Variants in GPR89A observed in about 807,000 individuals in gnomAD.
GPR89A encodes the protein golgi pH regulator A, also known as G protein-coupled receptor 89A.
GPR89A carries 16 observed loss-of-function variants against 52.0 expected under a neutral mutation model. The ratio of observed to expected loss-of-function variants is 0.31; its 90% CI spans 0.21 to 0.47. The LOEUF (loss-of-function observed/expected upper bound fraction) is 0.47. GPR89A is among the 20% of genes least tolerant of loss of function. The pLI is 1.00. For synonymous variants in GPR89A, 55 were observed against 150.9 expected, an observed-to-expected ratio of 0.36 and a Z score of 4.66; for missense variants, 135 against 449.4, an observed-to-expected ratio of 0.30 and a Z score of 6.33.
chr1:145,668,575 C>T (rs1346806048), intron 12 of GPR89A, among the ~76,000 whole-genome samples: 1 of 152,050 alleles, frequency 6.6e-6, no homozygotes, highest in Non-Finnish European at 1.5e-5. Context: ...CTTTCTCCTG[C>T]CTGATTGCCC....
intron 10 of GPR89A, among the ~76,000 whole-genome samples, chr1:145,660,687 CA>C (rs1652131458): frequency 6.6e-6 from 1 of 151,614 alleles, no homozygotes; most frequent in Non-Finnish European, 1.5e-5. Context: ...TTTATGCCGC[CA>C]AAAAACACAA....
intron 5 of GPR89A, among the ~76,000 whole-genome samples, chr1:145,628,721 C>G (rs1649677585): frequency 6.6e-6 from 1 of 152,178 alleles, no homozygotes; most frequent in Non-Finnish European, 1.5e-5. Flanking sequence ...ATTGCCATTA[C>G]AATTACTAGT....
intron 9 of GPR89A, 148 bp from the exon 10 acceptor site, chr1:145,647,027 G>A: frequency 1.6e-6 from 2 of 1,235,106 alleles, no homozygotes; most frequent in Middle Eastern, 2.9e-4. Flanking sequence ...GTAAATGCTG[G>A]CCACAACTAC....
intron 1 of GPR89A, among the ~76,000 whole-genome samples, chr1:145,615,134 G>T (rs1232061032): frequency 6.6e-6 from 1 of 152,176 alleles, no homozygotes; most frequent in African/African-American, 2.4e-5. Context: ...GTCTCTGCCA[G>T]TTTGAAACAA....
intron 1 of GPR89A, 28 bp downstream of exon 1, chr1:145,608,203 C>G: frequency 6.2e-7 from 1 of 1,613,778 alleles, no homozygotes; most frequent in Non-Finnish European, 8.5e-7. Flanking sequence ...GCCCCGACAC[C>G]CGTCCGCCTC....
chr1:145,654,437 T>C (rs1273875079), intron 10 of GPR89A, among the ~76,000 whole-genome samples: 2 of 150,596 alleles, frequency 1.3e-5, no homozygotes, highest in Non-Finnish European at 3.0e-5. Context: ...CCTGTAGTCC[T>C]AGCTACTCGG....
At chr1:145,632,724 T>G (rs1189332924) in intron 7 of GPR89A, among the ~76,000 whole-genome samples, 2 of 152,212 alleles carry the variant, frequency 1.3e-5, no homozygotes, top group East Asian at 3.8e-4. Flanking sequence ...AGATATCTCT[T>G]TGACATTTTA....
chr1:145,634,082 T>A (rs1352165692), intron 7 of GPR89A, among the ~76,000 whole-genome samples: 74 of 644 alleles, frequency 0.11, no homozygotes, highest in Middle Eastern at 0.5. Context: ...GTCTATTGTG[T>A]TTTTTTTTTT....
intron 7 of GPR89A, among the ~76,000 whole-genome samples, chr1:145,642,833 A>C (rs1424200893): frequency 0.026 from 3,905 of 147,696 alleles, 149 homozygotes; most frequent in African/African-American, 0.094. Flanking sequence ...TACAAATGAT[A>C]TTTTATTTTG....
intron 7 of GPR89A, among the ~76,000 whole-genome samples, chr1:145,634,064 G>A (rs1309267707): frequency 2.8e-5 from 4 of 142,226 alleles, no homozygotes; most frequent in African/African-American, 1.1e-4. Context: ...TTCAAAGAAT[G>A]GAATATTGTC....
Position 145,615,619 on chromosome 1 carries a change from A to G in GPR89A, c.43-615A>G, listed in dbSNP as rs1648624242. ...GGATCATCCATAAGAAGCAAGTCTC[A>G]CTCTGACACCTTTTCTTTTTTTTCG... On this transcript the variant is annotated intron_variant, in intron 1 of 13. Coordinates refer to ENST00000313835, the MANE Select transcript of GPR89A (RefSeq NM_001097612.2). 5.3e-5 allele frequency among the ~76,000 whole-genome samples: 3 copies of G among 56,246 alleles called. No individual in the cohort carries two copies. The South Asian group carries it at 2.5e-3, about 47-fold the overall frequency. The allele number at this position is 56,246 out of a possible 152,430, so 36.9% of individuals were successfully genotyped here.
chr1:145,632,233 T>A lies in GPR89A; in HGVS notation c.617+489T>A, dbSNP rs181744510. On this transcript the variant is annotated intron_variant, in intron 7 of 13. Coordinates refer to ENST00000313835, the MANE Select transcript of GPR89A (RefSeq NM_001097612.2). ...TAACATATCTATCACCTCACATGTT[T>A]ATTTTTTTGTGGTGAAAACATTTGA... 6.4e-3 allele frequency among the ~76,000 whole-genome samples: 982 copies of A among 152,330 alleles called. 5 individuals carry two copies. Among genetic ancestry groups the A allele is most frequent in the African/African-American group, 0.023 (942 of 41,572 alleles).
Position 145,670,480 on chromosome 1 carries a change from C to A in GPR89A, c.*440C>A, listed in dbSNP as rs1652924155. 3 of 272,234 alleles carry A rather than the reference C, an allele frequency of 1.1e-5. No homozygotes were observed. In the East Asian group the frequency reaches 3.0e-4, roughly 27 times the overall value. The allele number at this position is 272,234 out of a possible 1,614,324, so 16.9% of individuals were successfully genotyped here. On this transcript the variant is annotated 3_prime_UTR_variant, in exon 14 of 14. Coordinates refer to ENST00000313835, the MANE Select transcript of GPR89A (RefSeq NM_001097612.2). ...GACTGTAACACTTTTGCCTTACGTT[C>A]ATTTTATCAAGCATAGCTTGGTATT... is the stretch of plus-strand genomic sequence containing the variant.
chr1:145,626,819 G>A (rs1485319444), intron 5 of GPR89A, among the ~76,000 whole-genome samples: 1 of 151,564 alleles, frequency 6.6e-6, no homozygotes, highest in Non-Finnish European at 1.5e-5. Flanking sequence ...GCATGGTGGT[G>A]CATGCCTGTA....
chr1:145,627,678 G>A (rs1649603227), intron 5 of GPR89A, among the ~76,000 whole-genome samples: 1 of 152,028 alleles, frequency 6.6e-6, no homozygotes, highest in Admixed American at 6.5e-5. Flanking sequence ...ACAATAAAGA[G>A]GTAAATATAT....
intron 2 of GPR89A, among the ~76,000 whole-genome samples, chr1:145,617,952 AG>A (rs1648839944): frequency 6.6e-6 from 1 of 151,340 alleles, no homozygotes; most frequent in South Asian, 2.1e-4. Flanking sequence ...GGAAGGTTCC[AG>A]AACTGATCCA....
Position 145,643,973 on chromosome 1 carries a change from G to C in GPR89A, c.722G>C (p.Ser241Thr). The change falls in exon 8 of 14, where the codon AGT becomes ACT. Residue 241 changes from serine (S) to threonine (T), a missense_variant. Physicochemically the swap from Ser to Thr is moderately conservative, Grantham distance 58. Coordinates refer to ENST00000313835, the MANE Select transcript of GPR89A (RefSeq NM_001097612.2). ...AGTGTTACCACTTCAGCATCAGGAA[G>C]TGAAAGTATCCTTTGTCCCTCTGCT... ...IKSVTTSASG[S>T]ENLTLIQQEV... 3.5e-6 allele frequency: 1 copy of C among 285,958 alleles called. No individual in the cohort carries two copies. Among genetic ancestry groups the C allele is most frequent in the Admixed American group, 8.4e-5 (1 of 11,898 alleles). The allele number at this position is 285,958 out of a possible 1,614,324, so 17.7% of individuals were successfully genotyped here.
At chr1:145,643,053 A>AT (rs1177403941) in intron 7 of GPR89A, among the ~76,000 whole-genome samples, 119,365 of 119,594 alleles carry the variant, frequency 1, 59,574 homozygotes, top group Middle Eastern at 1. Flanking sequence ...CAATTTTGCT[A>AT]TTTTTTTTCC....
chr1:145,612,039 T>C (rs1429643712), intron 1 of GPR89A, among the ~76,000 whole-genome samples: 4 of 152,060 alleles, frequency 2.6e-5, no homozygotes, highest in Admixed American at 1.3e-4. Flanking sequence ...GAAAATCACA[T>C]AGCTGTGTAG....
Sources: allele counts gnomAD v4.1 joint callset (sites outside exome capture counted in the v4.1 genomes callset), GRCh38; gene constraint gnomAD v4.1.1; transcripts MANE v1.5; gene names NCBI Gene and HGNC (gene_info 2026-07-23, HGNC 2026-07-21).